NOVA1: variants seen among roughly 807,000 people sequenced by gnomAD.
NOVA1 encodes RNA-binding protein Nova-1.
In NOVA1, 7 loss-of-function variants were observed where a neutral mutation model predicts 38.0. The observed-to-expected ratio is 0.18, with a 90% CI of 0.10 to 0.35. The LOEUF (loss-of-function observed/expected upper bound fraction) is 0.35, where lower values mean the gene tolerates loss of function less well. NOVA1 is among the 10% of genes least tolerant of loss of function. NOVA1 has a pLI of 1.00. For synonymous variants in NOVA1, 270 were observed against 232.5 expected (o/e 1.16, Z -1.47); for missense variants, 460 against 616.0 (o/e 0.75, Z 2.68).
In NOVA1 at chr14:26,495,334, C is replaced by T. The variant is rs562972664; in HGVS notation, c.281-15191G>A. Reference sequence around the variant, plus strand: ...TGTAATTTGCTTACTTCATTGTTTGCCTCTCTCTGGTGGAACAAAAGGTCC... The same window carrying T: ...TGTAATTTGCTTACTTCATTGTTTGTCTCTCTCTGGTGGAACAAAAGGTCC... On this transcript the variant is annotated intron_variant, in intron 2 of 4. Coordinates refer to ENST00000539517, the MANE Select transcript of NOVA1 (RefSeq NM_002515.3). Among the ~76,000 whole-genome samples, 12 of 152,230 alleles carry T rather than the reference C, an allele frequency of 7.9e-5. No individual in the cohort carries two copies. The South Asian group carries it at 2.5e-3, about 32-fold the overall frequency.
At chr14:26,556,842 AATG>A (rs1208702363) in intron 2 of NOVA1, among the ~76,000 whole-genome samples, 1 of 152,216 alleles carries the variant, frequency 6.6e-6, no homozygotes, top group Non-Finnish European at 1.5e-5. Context: ...AAACAGATAA[AATG>A]ATGTCAAAAA....
chr14:26,454,422 C>T (rs1198384860), intron 4 of NOVA1, among the ~76,000 whole-genome samples: 1 of 152,124 alleles, frequency 6.6e-6, no homozygotes, highest in South Asian at 2.1e-4. Flanking sequence ...TCTAGTAGAA[C>T]ACCAGCCTGG....
intron 4 of NOVA1, among the ~76,000 whole-genome samples, chr14:26,466,624 G>A (rs1055275192): frequency 1.3e-5 from 2 of 152,194 alleles, no homozygotes; most frequent in South Asian, 4.1e-4. Flanking sequence ...AGCTTCTTTA[G>A]TTCATGGTTG....
chr14:26,483,605 T>C (rs976597286), intron 2 of NOVA1, among the ~76,000 whole-genome samples: 6 of 152,222 alleles, frequency 3.9e-5, no homozygotes, highest in Non-Finnish European at 5.9e-5. Flanking sequence ...AAACATTATA[T>C]GCTTCTTGAT....
intron 2 of NOVA1, among the ~76,000 whole-genome samples, chr14:26,539,993 A>C (rs963778): frequency 0.34 from 51,363 of 152,010 alleles, 10,104 homozygotes; most frequent in African/African-American, 0.54. Context: ...CACCCTCAGA[A>C]TAGTAGTTGG....
chr14:26,466,763 C>A (rs1235837283), intron 4 of NOVA1, among the ~76,000 whole-genome samples: 1 of 152,084 alleles, frequency 6.6e-6, no homozygotes, highest in Non-Finnish European at 1.5e-5. Flanking sequence ...AATAACACTA[C>A]AAAATGAGCT....
chr14:26,593,237 G>A (rs763170383), intron 2 of NOVA1: 31 of 151,708 alleles, frequency 2.0e-4, no homozygotes, highest in Non-Finnish European at 1.5e-4. Flanking sequence ...TGTCCCTTAC[G>A]TACATCTGAG....
chr14:26,594,768 T>A (rs1405669788), intron 2 of NOVA1, among the ~76,000 whole-genome samples: 1 of 26,858 alleles, frequency 3.7e-5, no homozygotes, highest in Non-Finnish European at 8.5e-5. Flanking sequence ...TCCAGTAGGT[T>A]ACTGTACTAC....
chr14:26,527,345 G>A lies in NOVA1; in HGVS notation c.281-47202C>T, dbSNP rs550160894. Among the ~76,000 whole-genome samples the A allele has an allele frequency of 2.6e-5, 4 of 152,124 alleles. No homozygotes were observed. In the East Asian group the frequency reaches 7.8e-4, roughly 30 times the overall value. Reference sequence around the variant, plus strand: ...TTTCTTGTTCATGATTCATGTTGATGCCCATGGGAAAGTACCCTTTGAGGA... The same window carrying A: ...TTTCTTGTTCATGATTCATGTTGATACCCATGGGAAAGTACCCTTTGAGGA... On this transcript the variant is annotated intron_variant, in intron 2 of 4. Transcript: ENST00000539517.
chr14:26,454,365 A>C (rs1301353589), intron 4 of NOVA1, among the ~76,000 whole-genome samples: 1 of 152,156 alleles, frequency 6.6e-6, no homozygotes, highest in Non-Finnish European at 1.5e-5. Context: ...AAACAAGAGC[A>C]TGAGAAGTTG....
At chr14:26,567,254 T>C (rs189993584) in intron 2 of NOVA1, among the ~76,000 whole-genome samples, 1 of 151,840 alleles carries the variant, frequency 6.6e-6, no homozygotes. Flanking sequence ...GTTTCTGTTA[T>C]ATGTATTATC....
At chr14:26,587,468 G>C (rs1490949084) in intron 2 of NOVA1, among the ~76,000 whole-genome samples, 1 of 151,062 alleles carries the variant, frequency 6.6e-6, no homozygotes, top group Non-Finnish European at 1.5e-5. Flanking sequence ...TTTACAGGAA[G>C]CATCTGATAA....
At position 26,477,463 on chromosome 14, in the gene NOVA1, A is replaced by G. The variant is rs567009349; in HGVS notation, c.447+2514T>C. On this transcript the variant is annotated intron_variant, in intron 3 of 4. Transcript: ENST00000539517. ...GTGCTAAATTTCATTATTCTACTATATGAAAGACCTGAGAGACCAGCAGGC... is the reference window on the plus strand; with the variant it reads ...GTGCTAAATTTCATTATTCTACTATGTGAAAGACCTGAGAGACCAGCAGGC... Among the ~76,000 whole-genome samples, 5 of 152,274 alleles carry G rather than the reference A, an allele frequency of 3.3e-5. No individual in the cohort carries two copies. The South Asian group carries it at 1.0e-3, about 32-fold the overall frequency.
At chr14:26,504,236 C>T (rs1055070374) in intron 2 of NOVA1, among the ~76,000 whole-genome samples, 1 of 152,124 alleles carries the variant, frequency 6.6e-6, no homozygotes, top group Non-Finnish European at 1.5e-5. Context: ...TACTATGTAG[C>T]GTACATCTGG....
At chr14:26,509,481 A>G (rs917041075) in intron 2 of NOVA1, among the ~76,000 whole-genome samples, 2 of 152,182 alleles carry the variant, frequency 1.3e-5, no homozygotes, top group African/African-American at 4.8e-5. Context: ...AGTTACCTCC[A>G]AAGTTCTCAA....
intron 2 of NOVA1, among the ~76,000 whole-genome samples, chr14:26,543,498 A>G (rs899617388): frequency 7.2e-5 from 11 of 151,986 alleles, no homozygotes; most frequent in African/African-American, 2.7e-4. Flanking sequence ...CACATGAAAC[A>G]AAGTATTAAT....
At chr14:26,584,690 T>C (rs1341529937) in intron 2 of NOVA1, among the ~76,000 whole-genome samples, 1 of 151,414 alleles carries the variant, frequency 6.6e-6, no homozygotes, top group African/African-American at 2.4e-5. Context: ...TATGTCTATA[T>C]ATGCCTTAAA....
intron 3 of NOVA1, among the ~76,000 whole-genome samples, chr14:26,478,326 C>T (rs965178106): frequency 6.6e-6 from 1 of 151,334 alleles, no homozygotes; most frequent in Non-Finnish European, 1.5e-5. Flanking sequence ...TTCATATCAC[C>T]GTCCTGAACA....
chr14:26,534,604 T>G (rs949052026), intron 2 of NOVA1, among the ~76,000 whole-genome samples: 1 of 151,944 alleles, frequency 6.6e-6, no homozygotes, highest in African/African-American at 2.4e-5. Context: ...GGAAATAAAA[T>G]AGTATAAAAT....
Sources: gnomAD v4.1 joint callset for allele counts (sites outside exome capture counted in the v4.1 genomes callset) on GRCh38, gnomAD v4.1.1 for gene constraint, MANE v1.5 for transcripts, NCBI Gene and HGNC (gene_info 2026-07-23, HGNC 2026-07-21) for gene names.